The following DPP10 variants were observed in gnomAD, a reference collection of about 807,000 sequenced individuals.
DPP10 encodes dipeptidyl peptidase like 10.
In DPP10, 33 loss-of-function variants were observed where a neutral mutation model predicts 120.9. That is an observed-to-expected ratio of 0.27 (90% CI 0.21 to 0.37). DPP10 has a LOEUF of 0.37. Among genes scored for constraint, DPP10 ranks in the 10% least tolerant of loss-of-function variants. DPP10 has a pLI of 1.00. For missense variants in DPP10, 816 were observed against 942.8 expected, an observed-to-expected ratio of 0.87 and a Z score of 1.76; for synonymous variants, 337 against 326.1, an observed-to-expected ratio of 1.03 and a Z score of -0.36.
intron 1 of DPP10, among the ~76,000 whole-genome samples, chr2:114,572,933 A>G (rs1303959107): frequency 1.3e-5 from 2 of 152,288 alleles, no homozygotes; most frequent in South Asian, 2.1e-4. Flanking sequence ...CGTGGAACCT[A>G]TAATATTTAA....
At chr2:115,423,962 T>G (rs1460130926) in intron 3 of DPP10, among the ~76,000 whole-genome samples, 1 of 152,134 alleles carries the variant, frequency 6.6e-6, no homozygotes, top group Non-Finnish European at 1.5e-5. Context: ...GGTACAACTA[T>G]CAAATACCAG....
intron 1 of DPP10, among the ~76,000 whole-genome samples, chr2:115,078,835 T>A (rs1472013103): frequency 6.6e-6 from 1 of 152,138 alleles, no homozygotes; most frequent in Non-Finnish European, 1.5e-5. Flanking sequence ...AAGTTATCAG[T>A]TAAATTGCTC....
chr2:115,568,772 C>T (rs1418090041), intron 5 of DPP10, among the ~76,000 whole-genome samples: 1 of 152,130 alleles, frequency 6.6e-6, no homozygotes, highest in Non-Finnish European at 1.5e-5. Context: ...GCAGCTCATT[C>T]TGCTACCCTT....
At chr2:114,602,342 T>A (rs1046240624) in intron 1 of DPP10, among the ~76,000 whole-genome samples, 1 of 151,916 alleles carries the variant, frequency 6.6e-6, no homozygotes, top group Non-Finnish European at 1.5e-5. Flanking sequence ...TGTGCATGTG[T>A]GAATTTGTGT....
Position 114,610,663 on chromosome 2 carries a change from G to A in DPP10, c.60+167825G>A, listed in dbSNP as rs76421666. On this transcript the variant is annotated intron_variant, in intron 1 of 25. Coordinates refer to ENST00000410059, the MANE Select transcript of DPP10 (RefSeq NM_020868.6). ...AGACAAAGCCAGACATAACCCAAGA[G>A]GCTGACAATTTGGGGAAGTCTGGTG... is the stretch of plus-strand genomic sequence containing the variant. Among the ~76,000 whole-genome samples, 1,063 of 152,174 alleles carry A rather than the reference G, an allele frequency of 7.0e-3. 11 individuals are homozygous for A. The highest frequency in any genetic ancestry group is 0.024 in the African/African-American group (1,007 of 41,524).
At chr2:115,676,252 A>G (rs941379481) in intron 5 of DPP10, among the ~76,000 whole-genome samples, 9 of 152,344 alleles carry the variant, frequency 5.9e-5, no homozygotes, top group African/African-American at 1.9e-4. Flanking sequence ...CCACAAAGGC[A>G]CTTAGAGACA....
At chr2:114,864,008 A>G (rs181999905) in intron 1 of DPP10, among the ~76,000 whole-genome samples, 24 of 152,294 alleles carry the variant, frequency 1.6e-4, no homozygotes, top group Admixed American at 3.3e-4. Context: ...GGGATATTGT[A>G]TTTGGAAACC....
At chr2:115,681,511 A>G (rs1441695021) in intron 5 of DPP10, among the ~76,000 whole-genome samples, 2 of 151,834 alleles carry the variant, frequency 1.3e-5, no homozygotes, top group Non-Finnish European at 2.9e-5. Context: ...ACAAGTTGCA[A>G]TTGAAATAGA....
Position 114,888,426 on chromosome 2 carries a change from C to CA in DPP10, c.61-420805dup, listed in dbSNP as rs1372847600. On this transcript the variant is annotated intron_variant, in intron 1 of 25. Coordinates refer to ENST00000410059, the MANE Select transcript of DPP10 (RefSeq NM_020868.6). ...GATATTGACACAAAATGACAGTTCTCAAAAAAAAGTTCACGAATCTGTATA... is the reference window on the plus strand; with the variant it reads ...GATATTGACACAAAATGACAGTTCTCAAAAAAAAAGTTCACGAATCTGTATA... 2.6e-5 allele frequency among the ~76,000 whole-genome samples: 4 copies of CA among 151,292 alleles called. No homozygotes were observed. The East Asian group carries it at 7.7e-4, about 29-fold the overall frequency.
chr2:115,544,039 A>G (rs188014203), intron 5 of DPP10, among the ~76,000 whole-genome samples: 351 of 151,912 alleles, frequency 2.3e-3, no homozygotes, highest in Admixed American at 3.2e-3. Flanking sequence ...GAAAATAATT[A>G]AAGAAAAAAA....
intron 21 of DPP10, among the ~76,000 whole-genome samples, chr2:115,833,480 G>T (rs146328978): frequency 6.6e-6 from 1 of 152,156 alleles, no homozygotes; most frequent in African/African-American, 2.4e-5. Context: ...CTCCCTCTAG[G>T]GACAACACTT....
chr2:115,699,274 T>A (rs899772481), intron 7 of DPP10, among the ~76,000 whole-genome samples: 3 of 152,140 alleles, frequency 2.0e-5, no homozygotes, highest in Admixed American at 6.5e-5. Context: ...ATTAATGCAG[T>A]AATCAAAAAC....
chr2:115,781,756 C>T (rs532898324), intron 16 of DPP10, among the ~76,000 whole-genome samples: 4 of 145,958 alleles, frequency 2.7e-5, no homozygotes, highest in African/African-American at 1.1e-4. Flanking sequence ...TTTAATGACA[C>T]CAGGAAAAAA....
At chr2:115,107,172 T>C (rs1293640028) in intron 1 of DPP10, among the ~76,000 whole-genome samples, 2 of 152,012 alleles carry the variant, frequency 1.3e-5, no homozygotes, top group Non-Finnish European at 2.9e-5. Flanking sequence ...AAAAGAGATA[T>C]TTAAGAGACT....
At chr2:115,023,731 A>C (rs533041811) in intron 1 of DPP10, among the ~76,000 whole-genome samples, 8 of 152,298 alleles carry the variant, frequency 5.3e-5, no homozygotes, top group Non-Finnish European at 7.4e-5. Flanking sequence ...GCAATTGCAA[A>C]AAAATATTAG....
At chr2:115,663,065 T>A (rs2089137739) in intron 5 of DPP10, among the ~76,000 whole-genome samples, 1 of 152,170 alleles carries the variant, frequency 6.6e-6, no homozygotes, top group Admixed American at 6.6e-5. Context: ...TGAGATGTTT[T>A]GATACAAGCA....
chr2:114,587,096 G>A (rs981316237), intron 1 of DPP10, among the ~76,000 whole-genome samples: 7 of 151,988 alleles, frequency 4.6e-5, no homozygotes, highest in Non-Finnish European at 7.4e-5. Context: ...AGGAGTTCGA[G>A]CCCAGCCTAG....
At chr2:114,933,048 A>G (rs750178529) in intron 1 of DPP10, among the ~76,000 whole-genome samples, 3 of 152,196 alleles carry the variant, frequency 2.0e-5, no homozygotes, top group South Asian at 4.1e-4. Flanking sequence ...TTGAAGTTCT[A>G]TGTAATAGAC....
At chr2:114,769,948 C>T (rs1054417507) in intron 1 of DPP10, among the ~76,000 whole-genome samples, 1 of 152,156 alleles carries the variant, frequency 6.6e-6, no homozygotes, top group African/African-American at 2.4e-5. Flanking sequence ...TGTTTGCTGA[C>T]TCCACGCCTG....
Sources: allele counts gnomAD v4.1 joint callset (sites outside exome capture counted in the v4.1 genomes callset), GRCh38; gene constraint gnomAD v4.1.1; transcripts MANE v1.5; gene names NCBI Gene and HGNC (gene_info 2026-07-23, HGNC 2026-07-21).